MIA: variants seen among roughly 807,000 people sequenced by gnomAD.
MIA encodes the protein melanoma-derived growth regulatory protein.
Under a neutral mutation model 18.5 loss-of-function variants are expected in MIA, and 18 were observed. That is an observed-to-expected ratio of 0.97 (90% CI 0.67 to 1.44). The LOEUF (loss-of-function observed/expected upper bound fraction) is 1.44. Among genes scored for constraint, MIA ranks in the 40% most tolerant of loss-of-function variants. The pLI is 0.00. For missense variants in MIA, 158 were observed against 172.4 expected (o/e 0.92, Z 0.47); for synonymous variants, 55 against 64.9 (o/e 0.85, Z 0.74).
chr19:40,775,979 T>A, intron 2 of MIA, 94 bp downstream of exon 2: 1 of 1,431,740 alleles, frequency 7.0e-7, no homozygotes, highest in Non-Finnish European at 9.5e-7. Flanking sequence ...TGAACTGAAA[T>A]AGACATTGTG....
At chr19:40,776,921 C>G (rs1318839075) in intron 2 of MIA, 48 bp from the exon 3 acceptor site, 1 of 1,374,304 alleles carries the variant, frequency 7.3e-7, no homozygotes, top group East Asian at 2.3e-5. Flanking sequence ...TCAGCAGGCA[C>G]AAGCTTGCCA....
rs777988337 is a variant in MIA, at chr19:40,776,985, A to G, written c.278A>G (p.Tyr93Cys). 15 of 1,613,396 alleles carry G rather than the reference A, an allele frequency of 9.3e-6. No individual in the cohort carries two copies. The highest frequency in any genetic ancestry group is 1.7e-5 in the Admixed American group (1 of 59,950). ...FWGGSVQGDYYGDLAARLGYF... is the reference protein window; with the variant it reads ...FWGGSVQGDYCGDLAARLGYF... Reference sequence around the variant, plus strand: ...CTTCCCCAGGTTCAGGGAGATTACTATGGAGATCTGGCTGCTCGCCTGGGC... The same window carrying G: ...CTTCCCCAGGTTCAGGGAGATTACTGTGGAGATCTGGCTGCTCGCCTGGGC... Residue 93 changes from tyrosine (Y) to cysteine (C), a missense_variant, in exon 3 of 4, where the codon TAT becomes TGT. Tyr to Cys is a radical substitution (Grantham distance 194, BLOSUM62 -2). Transcript: ENST00000263369.
At position 40,777,388 on chromosome 19, in the gene MIA, C is replaced by A; in HGVS notation, c.373-9C>A. 4.3e-6 allele frequency: 7 copies of A among 1,613,878 alleles called. No individual in the cohort carries two copies. The highest frequency in any genetic ancestry group is 5.9e-6 in the Non-Finnish European group (7 of 1,179,930). On this transcript the variant is annotated splice_polypyrimidine_tract_variant and intron_variant, in intron 3 of 3. Transcript: ENST00000263369. ...TTTCTTTCCACTGTTTCCCCTTTCT[C>A]TTTTTCAGAAATGGGATTTCTACTG...
chr19:40,775,392 C>A, upstream of MIA: 1 of 1,188,372 alleles, frequency 8.4e-7, no homozygotes, highest in Non-Finnish European at 1.2e-6. Context: ...GGTTTCATAG[C>A]AACTTCTAGG....
chr19:40,777,092 G>T lies in MIA; in HGVS notation c.372+13G>T, dbSNP rs376135784. 28 of 1,605,294 alleles carry T rather than the reference G, an allele frequency of 1.7e-5. No homozygotes were observed. Among genetic ancestry groups the T allele is most frequent in the Non-Finnish European group, 2.3e-5 (27 of 1,174,152 alleles). Reference sequence around the variant, plus strand: ...TGTGAAGACAGACGTGAGTGTCATGGGGGCTGGCAAGAAATGTGGGGGGAG... The same window carrying T: ...TGTGAAGACAGACGTGAGTGTCATGTGGGCTGGCAAGAAATGTGGGGGGAG... On this transcript the variant is annotated intron_variant, in intron 3 of 3. Coordinates refer to ENST00000263369, the MANE Select transcript of MIA (RefSeq NM_006533.4).
Position 40,777,433 on chromosome 19 carries a change from G to T in MIA, c.*13G>T. 6.2e-7 allele frequency: 1 copy of T among 1,612,688 alleles called. No homozygotes were observed. The highest frequency in any genetic ancestry group is 8.5e-7 in the Non-Finnish European group (1 of 1,179,110). ...CTACTGCCAGTGAGCTCAGCCTACC[G>T]CTGGCCCTGCCGTTTCCCCTCCTTG... On this transcript the variant is annotated 3_prime_UTR_variant, in exon 4 of 4. Coordinates refer to ENST00000263369, the MANE Select transcript of MIA (RefSeq NM_006533.4).
At chr19:40,775,702 G>C (rs1018718192) in intron 1 of MIA, 33 bp downstream of exon 1, 8 of 1,613,984 alleles carry the variant, frequency 5.0e-6, no homozygotes, top group Non-Finnish European at 6.8e-6. Context: ...TGGGGGCTTG[G>C]GCGTTAGCCT....
chr19:40,776,564 A>AC (rs1194028134), intron 2 of MIA, among the ~76,000 whole-genome samples: 1 of 151,404 alleles, frequency 6.6e-6, no homozygotes, highest in African/African-American at 2.4e-5. Flanking sequence ...ACATAGCAAG[A>AC]CCCCCATCTC....
At chr19:40,775,982 A>C in intron 2 of MIA, 97 bp downstream of exon 2, 4 of 1,427,060 alleles carry the variant, frequency 2.8e-6, no homozygotes, top group African/African-American at 1.4e-5. Flanking sequence ...ACTGAAATAG[A>C]CATTGTGGGG....
Position 40,775,669 on chromosome 19 carries a change from C to T in MIA, c.127C>T (p.His43Tyr), listed in dbSNP as rs370349961. Residue 43 changes from histidine (H) to tyrosine (Y), a missense_variant and splice_region_variant, in exon 1 of 4, where the codon CAC (histidine) becomes TAC (tyrosine). His to Tyr is a moderately conservative substitution (Grantham distance 83, BLOSUM62 2). Coordinates refer to ENST00000263369, the MANE Select transcript of MIA (RefSeq NM_006533.4). ...GCTGTGTGCGGACCAGGAGTGCAGC[C>T]GTAAGAATGGGGAGGGGAGAATTGG... Reference protein sequence around the residue: ...RKLCADQECSHPISMAVALQD... With the variant: ...RKLCADQECSYPISMAVALQD... The T allele has an allele frequency of 1.1e-5, 17 of 1,613,956 alleles. 1 individual carries two copies. The highest frequency in any genetic ancestry group is 3.3e-5 in the Admixed American group (2 of 59,978).
chr19:40,777,184 G>C, intron 3 of MIA, 105 bp downstream of exon 3: 1 of 1,144,462 alleles, frequency 8.7e-7, no homozygotes, highest in Non-Finnish European at 1.3e-6. Flanking sequence ...CTAGGTATGT[G>C]CGCTGGGAGA....
At chr19:40,775,366 T>A (rs2082987967), upstream of MIA, 2 of 983,808 alleles carry the variant, frequency 2.0e-6, no homozygotes, top group African/African-American at 3.3e-5. Flanking sequence ...CTTTACCCTA[T>A]CCTTGAAATG....
At chr19:40,775,388 A>G, upstream of MIA, 1 of 1,171,108 alleles carries the variant, frequency 8.5e-7, no homozygotes, top group African/African-American at 1.5e-5. Context: ...TTCTGGTTTC[A>G]TAGCAACTTC....
rs968252352 is a variant in MIA at position 40,775,966 on chromosome 19, G to T, written c.261+81G>T. 21 of 1,528,636 alleles carry T rather than the reference G, an allele frequency of 1.4e-5. No homozygotes were observed. In the African/African-American group the frequency reaches 2.5e-4, roughly 18 times the overall value. The allele number at this position is 1,528,636 out of a possible 1,614,324, so 94.7% of individuals were successfully genotyped here. ...TCCCCATGAAGGGAAGATTTGAGGG[G>T]GGTGAACTGAAATAGACATTGTGGG... On this transcript the variant is annotated intron_variant, in intron 2 of 3. Transcript: ENST00000263369.
upstream of MIA, chr19:40,775,325 C>A: frequency 1.5e-6 from 1 of 657,294 alleles, no homozygotes. Context: ...CTGCTTTGGA[C>A]CTTATCTGGG....
chr19:40,776,851 C>G, intron 2 of MIA, 118 bp from the exon 3 acceptor site: 1 of 660,188 alleles, frequency 1.5e-6, no homozygotes, highest in Non-Finnish European at 2.6e-6. Flanking sequence ...AGCTGAGATT[C>G]ATATGACAAG....
In MIA at chr19:40,775,825, C is replaced by A. The variant is rs1382053228; in HGVS notation, c.201C>A (p.Gly67=). 1 of 1,613,986 alleles carries A rather than the reference C, an allele frequency of 6.2e-7. No homozygotes were observed. Among genetic ancestry groups the A allele is most frequent in the Admixed American group, 1.7e-5 (1 of 59,990 alleles). ...GCCGATTCCTGACCATTCACCGGGG[C>A]CAAGTGGTGTATGTCTTCTCCAAGC... ...PDCRFLTIHR[G]QVVYVFSKLK... The change falls in exon 2 of 4, where the codon GGC becomes GGA. Residue 67 remains glycine, a synonymous_variant. Coordinates refer to ENST00000263369, the MANE Select transcript of MIA (RefSeq NM_006533.4).
In MIA at chr19:40,777,387, T is replaced by A; in HGVS notation, c.373-10T>A. Reference sequence around the variant, plus strand: ...TTTTCTTTCCACTGTTTCCCCTTTCTCTTTTTCAGAAATGGGATTTCTACT... The same window carrying A: ...TTTTCTTTCCACTGTTTCCCCTTTCACTTTTTCAGAAATGGGATTTCTACT... On this transcript the variant is annotated splice_polypyrimidine_tract_variant and intron_variant, in intron 3 of 3. Coordinates refer to ENST00000263369, the MANE Select transcript of MIA (RefSeq NM_006533.4). The A allele has an allele frequency of 6.2e-7, 1 of 1,613,958 alleles. No homozygotes were observed. The highest frequency in any genetic ancestry group is 8.5e-7 in the Non-Finnish European group (1 of 1,179,942).
At chr19:40,776,370 C>T (rs8107978) in intron 2 of MIA, among the ~76,000 whole-genome samples, 134,223 of 152,088 alleles carry the variant, frequency 0.88, 59,573 homozygotes, top group South Asian at 0.94. Flanking sequence ...TATGGTCCCA[C>T]GTTCTGTTCT....
Sources: allele counts gnomAD v4.1 joint callset (sites outside exome capture counted in the v4.1 genomes callset), GRCh38; gene constraint gnomAD v4.1.1; transcripts MANE v1.5; gene names NCBI Gene and HGNC (gene_info 2026-07-23, HGNC 2026-07-21).